TUNAR: variants seen among roughly 807,000 people sequenced by gnomAD.
TUNAR encodes the protein transmembrane neural differentiation associated intracellular calcium regulator.
At chr14:95,913,740 C>G (rs1326180542) in intron 2 of TUNAR, among the ~76,000 whole-genome samples, 2 of 147,902 alleles carry the variant, frequency 1.4e-5, no homozygotes, top group African/African-American at 2.5e-5. Context: ...ATGGACTGGA[C>G]TTTTTTTTTT....
chr14:95,908,157 C>G (rs1374677495), intron 2 of TUNAR, among the ~76,000 whole-genome samples: 1 of 152,240 alleles, frequency 6.6e-6, no homozygotes, highest in East Asian at 1.9e-4. Context: ...GTTCATGGCA[C>G]CTGGGCTTGG....
At chr14:95,889,320 A>G (rs1889130077) in intron 2 of TUNAR, among the ~76,000 whole-genome samples, 1 of 152,242 alleles carries the variant, frequency 6.6e-6, no homozygotes, top group African/African-American at 2.4e-5. Context: ...TACATATTAA[A>G]AGATTTTCTT....
At chr14:95,896,051 G>A (rs1489866578) in intron 2 of TUNAR, 1 of 152,180 alleles carries the variant, frequency 6.6e-6, no homozygotes, top group Non-Finnish European at 1.5e-5. Context: ...TTAAATTATT[G>A]AATCCTTGAG....
intron 2 of TUNAR, among the ~76,000 whole-genome samples, chr14:95,920,059 C>T (rs1195766490): frequency 6.6e-6 from 1 of 152,170 alleles, no homozygotes; most frequent in Non-Finnish European, 1.5e-5. Context: ...TGTAGTGATC[C>T]AGTGGAATAC....
chr14:95,882,759 C>T (rs1307936895), intron 2 of TUNAR, among the ~76,000 whole-genome samples: 1 of 152,158 alleles, frequency 6.6e-6, no homozygotes, highest in Admixed American at 6.6e-5. Flanking sequence ...GGCATTTTTC[C>T]CAACCTGCCA....
chr14:95,888,850 G>A (rs200386288), intron 2 of TUNAR, among the ~76,000 whole-genome samples: 7 of 152,158 alleles, frequency 4.6e-5, no homozygotes, highest in East Asian at 1.9e-4. Context: ...GAGGAGTGCC[G>A]AAGGATGCCA....
At chr14:95,882,249 C>G (rs1052420326) in intron 2 of TUNAR, among the ~76,000 whole-genome samples, 1 of 148,998 alleles carries the variant, frequency 6.7e-6, no homozygotes, top group Non-Finnish European at 1.5e-5. Context: ...GGCTTCAGCT[C>G]TGGGCTAGAT....
chr14:95,885,301 A>G (rs1454650800), intron 2 of TUNAR, among the ~76,000 whole-genome samples: 1 of 152,224 alleles, frequency 6.6e-6, no homozygotes, highest in Admixed American at 6.5e-5. Context: ...CTGAGAGGCC[A>G]TTAGCAAAGT....
At position 95,892,437 on chromosome 14, in the gene TUNAR, G is replaced by A. The variant is rs570323783; in HGVS notation, c.12+15260G>A. ...AGCACATTGTGTGTTCCGGGGAGCC[G>A]GGCCACCTCCGGCTGGATGTGTCGC... On this transcript the variant is annotated intron_variant, in intron 2 of 2. Transcript: ENST00000678517. Among the ~76,000 whole-genome samples the A allele has an allele frequency of 2.6e-5, 4 of 152,236 alleles. No homozygotes were observed. The South Asian group carries it at 6.2e-4, about 24-fold the overall frequency.
intron 2 of TUNAR, among the ~76,000 whole-genome samples, chr14:95,908,094 A>G (rs77108008): frequency 0.037 from 5,629 of 152,256 alleles, 200 homozygotes; most frequent in East Asian, 0.13. Flanking sequence ...AAGGTGGAGC[A>G]TTCCTAGGGA....
At chr14:95,913,735 C>G (rs1889556575) in intron 2 of TUNAR, among the ~76,000 whole-genome samples, 1 of 151,956 alleles carries the variant, frequency 6.6e-6, no homozygotes, top group African/African-American at 2.4e-5. Flanking sequence ...CCTAGATGGA[C>G]TGGACTTTTT....
intron 2 of TUNAR, among the ~76,000 whole-genome samples, chr14:95,882,532 C>A (rs72700922): frequency 0.05 from 7,553 of 152,282 alleles, 190 homozygotes; most frequent in Middle Eastern, 0.058. Flanking sequence ...TAGTTAAAAA[C>A]CTTCGCCTTC....
At chr14:95,923,042 A>C (rs1424995523) in exon 3 of TUNAR, 1 of 398,686 alleles carries the variant, frequency 2.5e-6, no homozygotes, top group Non-Finnish European at 4.4e-6. Flanking sequence ...CACTGACCAG[A>C]CCCTGCGAGA....
chr14:95,905,682 GA>G (rs1173827973), intron 2 of TUNAR, among the ~76,000 whole-genome samples: 3 of 152,200 alleles, frequency 2.0e-5, no homozygotes, highest in Non-Finnish European at 2.9e-5. Flanking sequence ...AATACTTTGA[GA>G]CCATGTGAAT....
chr14:95,879,404 A>G (rs747242666), intron 2 of TUNAR, among the ~76,000 whole-genome samples: 1 of 152,192 alleles, frequency 6.6e-6, no homozygotes, highest in Admixed American at 6.5e-5. Flanking sequence ...ATCTCCCAGC[A>G]TTGTGTGTTT....
intron 2 of TUNAR, among the ~76,000 whole-genome samples, chr14:95,893,004 A>C (rs2139658185): frequency 6.6e-6 from 1 of 152,266 alleles, no homozygotes; most frequent in East Asian, 1.9e-4. Context: ...GCCCCTCTGA[A>C]AACCTGTTGC....
chr14:95,890,191 A>G (rs1185988721), intron 2 of TUNAR, among the ~76,000 whole-genome samples: 1 of 152,180 alleles, frequency 6.6e-6, no homozygotes, highest in Non-Finnish European at 1.5e-5. Context: ...AATCGAAGCA[A>G]GAAGTGTAGT....
intron 2 of TUNAR, among the ~76,000 whole-genome samples, chr14:95,904,872 A>G (rs1049215279): frequency 1.8e-4 from 27 of 152,198 alleles, no homozygotes; most frequent in African/African-American, 6.5e-4. Context: ...CCTGCGCAGG[A>G]TGTTCCAGAG....
intron 2 of TUNAR, among the ~76,000 whole-genome samples, chr14:95,896,289 C>A (rs1889267870): frequency 6.6e-6 from 1 of 152,132 alleles, no homozygotes; most frequent in African/African-American, 2.4e-5. Flanking sequence ...GGCAGGGTGT[C>A]AGGGTGTCAG....
Sources: allele counts gnomAD v4.1 joint callset (sites outside exome capture counted in the v4.1 genomes callset), GRCh38; gene constraint gnomAD v4.1.1; transcripts MANE v1.5; gene names NCBI Gene and HGNC (gene_info 2026-07-23, HGNC 2026-07-21).